Variants in ARMC5 observed in about 807,000 individuals in gnomAD.
ARMC5 encodes armadillo repeat-containing protein 5.
In ARMC5, 28 loss-of-function variants were observed where a neutral mutation model predicts 60.5. The observed-to-expected ratio is 0.46, with a 90% CI of 0.34 to 0.63. The LOEUF is 0.63. Among genes scored for constraint, ARMC5 ranks in the 30% least tolerant of loss-of-function variants. The pLI is 0.01. For missense variants in ARMC5, 1,189 were observed against 1,304.9 expected (o/e 0.91, Z 1.37); for synonymous variants, 680 against 607.3 (o/e 1.12, Z -1.76).
Position 31,466,522 on chromosome 16 carries a change from G to T in ARMC5, c.2441G>T (p.Gly814Val). 6.2e-7 allele frequency: 1 copy of T among 1,608,738 alleles called. No individual in the cohort carries two copies. Among genetic ancestry groups the T allele is most frequent in the Non-Finnish European group, 8.5e-7 (1 of 1,179,532 alleles). ...CATTTGCATGGTTGTCGGGGGTGTG[G>T]GGCTGCCCTGGGGCCCGTGCCCCCA... ...LHHLHGCRGC[G>V]AALGPVPPPG... Residue 814 changes from glycine (G) to valine (V), a missense_variant, in exon 6 of 6, where the codon GGG becomes GTG. Gly to Val is a moderately radical substitution (Grantham distance 109, BLOSUM62 -3). Around this residue, in one of 2 missense-constraint regions of ARMC5, gnomAD observed 862 missense variants for 1,071.2 expected, o/e 0.80. Transcript: ENST00000268314. This position sits in a 1 kb window ranked among gnomAD's most constrained non-coding sequence, Gnocchi z 8.0.
rs201675017 is a variant in ARMC5 at position 31,466,078 on chromosome 16, G to A, written c.1998-1G>A. On this transcript the variant is annotated splice_acceptor_variant, in intron 5 of 5. Coordinates refer to ENST00000268314, the MANE Select transcript of ARMC5 (RefSeq NM_001105247.2). LOFTEE classifies it high-confidence loss of function. The surrounding 1 kb of genome is among the most constrained non-coding windows in gnomAD (Gnocchi z 8.0). ...TTTGAAAGGCCCTCTCTTCCCTGTA[G>A]GAAGCCCTCTCTGTGGCGCCGGCTG... is the stretch of plus-strand genomic sequence containing the variant. 6.3e-7 allele frequency: 1 copy of A among 1,597,768 alleles called. No individual in the cohort carries two copies. The highest frequency in any genetic ancestry group is 8.5e-7 in the Non-Finnish European group (1 of 1,178,204).
rs2082282829 is a variant in ARMC5 at position 31,459,677 on chromosome 16, C to T, written c.153C>T (p.His51=). 1.3e-6 allele frequency: 2 copies of T among 1,579,202 alleles called. No individual in the cohort carries two copies. Among genetic ancestry groups the T allele is most frequent in the Middle Eastern group, 1.7e-4 (1 of 5,928 alleles). ...CGCTCCTAGCCCTCCGCACGCGCCACATCAAGGCAGCGGGGGGAATCGAGC... is the reference window on the plus strand; with the variant it reads ...CGCTCCTAGCCCTCCGCACGCGCCATATCAAGGCAGCGGGGGGAATCGAGC... ...SRALLALRTR[H]IKAAGGIERF... The change falls in exon 1 of 6, where the codon CAC becomes CAT. Residue 51 remains histidine, a synonymous_variant. Coordinates refer to ENST00000268314, the MANE Select transcript of ARMC5 (RefSeq NM_001105247.2).
Position 31,462,804 on chromosome 16 carries a change from G to A in ARMC5, c.1257G>A (p.Gln419=), listed in dbSNP as rs775713520. The A allele has an allele frequency of 1.2e-6, 2 of 1,614,016 alleles. No individual in the cohort carries two copies. The highest frequency in any genetic ancestry group is 1.7e-6 in the Non-Finnish European group (2 of 1,180,016). The part of the protein sequence containing the change: ...ALGLVPLLAG[Q]LCGEAGEEEE... ...GACTTGTGCCTCTCCTGGCTGGGCA[G>A]CTGTGTGGTGAGGCTGGTGAGGAGG... The change falls in exon 3 of 6, where the codon CAG becomes CAA. Residue 419 remains glutamine (Q), a synonymous_variant. Transcript: ENST00000268314. This position sits in a 1 kb window ranked among gnomAD's most constrained non-coding sequence, Gnocchi z 7.2.
Position 31,466,014 on chromosome 16 carries a change from G to A in ARMC5, c.1997+32G>A, listed in dbSNP as rs1465625599. 1 of 1,596,888 alleles carries A rather than the reference G, an allele frequency of 6.3e-7. No individual in the cohort carries two copies. Among genetic ancestry groups the A allele is most frequent in the Non-Finnish European group, 8.5e-7 (1 of 1,177,010 alleles). On this transcript the variant is annotated intron_variant, in intron 5 of 5. Coordinates refer to ENST00000268314, the MANE Select transcript of ARMC5 (RefSeq NM_001105247.2). The surrounding 1 kb of genome is among the most constrained non-coding windows in gnomAD (Gnocchi z 8.0). ...GGGAAGTGGGTGCCTTGCGGGGTTG[G>A]GGGAGGAGTGCTGTGTTTCCCAGGC...
At chr16:31,459,243 G>A, upstream of ARMC5, 4 of 1,533,060 alleles carry the variant, frequency 2.6e-6, no homozygotes, top group South Asian at 2.4e-5. Flanking sequence ...GGCCCTGGAA[G>A]AGTTTCCAGC....
chr16:31,459,233 G>T (rs927887223), upstream of ARMC5: 2 of 1,532,182 alleles, frequency 1.3e-6, no homozygotes, highest in Admixed American at 2.0e-5. Context: ...CCACCTGGAG[G>T]GCCCTGGAAG....
chr16:31,459,904 A>G lies in ARMC5; in HGVS notation c.380A>G (p.Lys127Arg), dbSNP rs538571383. 5 of 1,606,458 alleles carry G rather than the reference A, an allele frequency of 3.1e-6. No homozygotes were observed. The East Asian group carries it at 6.7e-5, about 21-fold the overall frequency. ...SSPTPPVRLR[K>R]TLDLALSILA... is the part of the protein sequence containing the mutation. ...CCTACGCCGCCAGTGCGCCTGCGCA[A>G]GACGCTGGACTTGGCGCTCAGCATC... is the stretch of plus-strand genomic sequence containing the variant. The change falls in exon 1 of 6, where the codon AAG (lysine) becomes AGG (arginine). Residue 127 changes from lysine (K) to arginine (R), a missense_variant. Physicochemically the swap from Lys to Arg is conservative, Grantham distance 26. Coordinates refer to ENST00000268314, the MANE Select transcript of ARMC5 (RefSeq NM_001105247.2).
intron 1 of ARMC5, among the ~76,000 whole-genome samples, chr16:31,460,956 C>T (rs1272146563): frequency 6.6e-6 from 1 of 152,130 alleles, no homozygotes; most frequent in East Asian, 1.9e-4. Flanking sequence ...CTTAACTTTT[C>T]GGATAAAGGG....
chr16:31,459,506 G>C lies in ARMC5; in HGVS notation c.-19G>C. ...GATCAGCGGCGAGAAGCGGGGCGGA[G>C]TCTGAGGCCCGAGCCAAGATGGCGG... On this transcript the variant is annotated 5_prime_UTR_variant, in exon 1 of 6. Transcript: ENST00000268314. 1 of 1,593,032 alleles carries C rather than the reference G, an allele frequency of 6.3e-7. No homozygotes were observed. The highest frequency in any genetic ancestry group is 1.1e-5 in the South Asian group (1 of 88,072).
At position 31,462,951 on chromosome 16, in the gene ARMC5, C is replaced by A; in HGVS notation, c.1370+34C>A. 6.6e-7 allele frequency: 1 copy of A among 1,513,194 alleles called. No homozygotes were observed. The highest frequency in any genetic ancestry group is 1.3e-5 in the South Asian group (1 of 76,972). 93.7% of individuals were successfully genotyped at this position (1,513,194 alleles called of 1,614,324 possible). ...CTGCCTCAGGGCTTGGGAGGGTGAG[C>A]AGTGCAGTGATGTGGGGTTTGTGTC... On this transcript the variant is annotated intron_variant, in intron 3 of 5. Transcript: ENST00000268314. The surrounding 1 kb of genome is among the most constrained non-coding windows in gnomAD (Gnocchi z 7.2).
rs1381980956 is a variant in ARMC5 at position 31,466,925 on chromosome 16, G to C, written c.*36G>C. ...TCCCCTGGGAAGGGGACCCAAGGAT[G>C]AATTGGCTGTGAAGGATCCTCCCTG... On this transcript the variant is annotated 3_prime_UTR_variant, in exon 6 of 6. Coordinates refer to ENST00000268314, the MANE Select transcript of ARMC5 (RefSeq NM_001105247.2). This position sits in a 1 kb window ranked among gnomAD's most constrained non-coding sequence, Gnocchi z 8.0. The C allele has an allele frequency of 6.8e-7, 1 of 1,480,752 alleles. No individual in the cohort carries two copies. Among genetic ancestry groups the C allele is most frequent in the East Asian group, 2.4e-5 (1 of 41,980 alleles). 91.7% of individuals were successfully genotyped at this position (1,480,752 alleles called of 1,614,324 possible).
rs1340928846 is a variant in ARMC5, at chr16:31,462,191, G to A, written c.644G>A (p.Ser215Asn). 1.2e-6 allele frequency: 2 copies of A among 1,612,104 alleles called. No homozygotes were observed. Among genetic ancestry groups the A allele is most frequent in the Non-Finnish European group, 1.7e-6 (2 of 1,180,018 alleles). ...TGCCAGGACTCGCAGTGCCTACAGA[G>A]CGTGGTGCGTGCCCTCCGTAACCTG... Reference protein sequence around the residue: ...TACQDSQCLQSVVRALRNLAD... With the variant: ...TACQDSQCLQNVVRALRNLAD... The change falls in exon 3 of 6, where the codon AGC becomes AAC. Residue 215 changes from serine (S) to asparagine (N), a missense_variant. Physicochemically the swap from Ser to Asn is conservative, Grantham distance 46. This residue lies in a region of ARMC5 where 862 missense variants were observed against 1,071.2 expected (regional missense o/e 0.80). Coordinates refer to ENST00000268314, the MANE Select transcript of ARMC5 (RefSeq NM_001105247.2). This position sits in a 1 kb window ranked among gnomAD's most constrained non-coding sequence, Gnocchi z 7.2.
At chr16:31,460,751 A>G (rs2082297635) in intron 1 of ARMC5, among the ~76,000 whole-genome samples, 1 of 152,202 alleles carries the variant, frequency 6.6e-6, no homozygotes, top group South Asian at 2.1e-4. Flanking sequence ...TAGAAAACCA[A>G]ACAAATCAGT....
In ARMC5 at chr16:31,466,068, C is replaced by T. The variant is rs975775590; in HGVS notation, c.1998-11C>T. The T allele has an allele frequency of 2.3e-5, 36 of 1,595,442 alleles. No homozygotes were observed. Among genetic ancestry groups the T allele is most frequent in the South Asian group, 9.9e-5 (9 of 90,652 alleles). On this transcript the variant is annotated splice_polypyrimidine_tract_variant and intron_variant, in intron 5 of 5. Coordinates refer to ENST00000268314, the MANE Select transcript of ARMC5 (RefSeq NM_001105247.2). The surrounding 1 kb of genome is among the most constrained non-coding windows in gnomAD (Gnocchi z 8.0). Reference sequence around the variant, plus strand: ...TTGCCCACCTTTTGAAAGGCCCTCTCTTCCCTGTAGGAAGCCCTCTCTGTG... The same window carrying T: ...TTGCCCACCTTTTGAAAGGCCCTCTTTTCCCTGTAGGAAGCCCTCTCTGTG...
upstream of ARMC5, chr16:31,458,680 G>C: frequency 6.9e-7 from 1 of 1,454,156 alleles, no homozygotes; most frequent in Non-Finnish European, 9.0e-7. Context: ...CAGCTGCCCC[G>C]ACCACACCAG....
rs370655060 is a variant in ARMC5, at chr16:31,464,381, C to G, written c.1371-13C>G. ...CTCTGGGTTCAGTCTCCTTCCCTTTCTGCCCTCCGCAGGTCGTGGCTGATC... is the reference window on the plus strand; with the variant it reads ...CTCTGGGTTCAGTCTCCTTCCCTTTGTGCCCTCCGCAGGTCGTGGCTGATC... On this transcript the variant is annotated splice_polypyrimidine_tract_variant and intron_variant, in intron 3 of 5. Coordinates refer to ENST00000268314, the MANE Select transcript of ARMC5 (RefSeq NM_001105247.2). The surrounding 1 kb of genome is among the most constrained non-coding windows in gnomAD (Gnocchi z 7.6). 148 of 1,486,992 alleles carry G rather than the reference C, an allele frequency of 1.0e-4. No individual in the cohort carries two copies. The highest frequency in any genetic ancestry group is 2.3e-5 in the Non-Finnish European group (26 of 1,116,170). 92.1% of individuals were successfully genotyped at this position (1,486,992 alleles called of 1,614,324 possible). A position where few individuals can be genotyped will look rare whatever the true frequency, so the allele number is the denominator to read the frequency against.
At chr16:31,459,452 T>G (rs2082278488), upstream of ARMC5, 10 of 1,549,688 alleles carry the variant, frequency 6.5e-6, no homozygotes, top group Non-Finnish European at 8.7e-7. Flanking sequence ...TGCCCGACGA[T>G]TTCCCTGTCT....
chr16:31,464,691 C>T lies in ARMC5; in HGVS notation c.1668C>T (p.Thr556=), dbSNP rs746891836. Residue 556 remains threonine, a synonymous_variant, in exon 4 of 6, where the codon ACC becomes ACT. Transcript: ENST00000268314. This position sits in a 1 kb window ranked among gnomAD's most constrained non-coding sequence, Gnocchi z 7.6. ...PALYGLLTYV[T]GAPGPPSPRA... ...TGTACGGCCTGCTGACCTATGTGAC[C>T]GGCGCACCGGGCCCGCCCAGCCCAC... The T allele has an allele frequency of 4.4e-5, 70 of 1,598,578 alleles. No individual in the cohort carries two copies. Among genetic ancestry groups the T allele is most frequent in the South Asian group, 2.6e-4 (24 of 90,954 alleles).
chr16:31,458,356 GA>G, upstream of ARMC5: 1 of 1,519,982 alleles, frequency 6.6e-7, no homozygotes, highest in Admixed American at 2.0e-5. Flanking sequence ...AGCTGACGCT[GA>G]AAGTCTTACC....
Sources: allele counts gnomAD v4.1 joint callset (sites outside exome capture counted in the v4.1 genomes callset), GRCh38; gene constraint gnomAD v4.1.1; regional missense constraint gnomAD v4.1.1; non-coding constraint Gnocchi (gnomAD v3.1); transcripts MANE v1.5; gene names NCBI Gene and HGNC (gene_info 2026-07-23, HGNC 2026-07-21).